The following ASPHD1 variants were observed in gnomAD, a reference collection of about 807,000 sequenced individuals.
ASPHD1 encodes the protein aspartate beta-hydroxylase domain-containing protein 1.
In ASPHD1, 20 loss-of-function variants were observed where a neutral mutation model predicts 28.3. That is an observed-to-expected ratio of 0.71 (90% CI 0.50 to 1.03). The LOEUF (loss-of-function observed/expected upper bound fraction) is 1.03, where lower values mean the gene tolerates loss of function less well. Ranked by LOEUF, ASPHD1 falls within the 50% of genes least tolerant of loss-of-function variation. The probability of loss-of-function intolerance (pLI) is 0.00; values close to 1 mark genes in which losing one functional copy is unlikely to be tolerated. For missense variants in ASPHD1, 479 were observed against 524.1 expected (o/e 0.91, Z 0.84); for synonymous variants, 240 against 221.2 (o/e 1.08, Z -0.75).
intron 3 of ASPHD1, chr16:29,911,978 G>C: frequency 6.2e-7 from 1 of 1,611,684 alleles, no homozygotes; most frequent in Non-Finnish European, 8.5e-7. Context: ...TGCTGGCCAG[G>C]AGCTGCTGCT....
Position 29,900,552 on chromosome 16 carries a change from A to C in ASPHD1, c.-420A>C. 3.9e-4 allele frequency: 71 copies of C among 181,434 alleles called. No homozygotes were observed. Among genetic ancestry groups the C allele is most frequent in the Non-Finnish European group, 5.4e-4 (46 of 84,990 alleles). 11.2% of individuals were successfully genotyped at this position (181,434 alleles called of 1,614,324 possible). On this transcript the variant is annotated 5_prime_UTR_variant, in exon 1 of 3. Coordinates refer to ENST00000308748, the MANE Select transcript of ASPHD1 (RefSeq NM_181718.4). Reference sequence around the variant, plus strand: ...TGGCTGAGCTGAGAGGGCTCCGGGAAGGAGTGACGTCAGGGTGAGTGGGAG... The same window carrying C: ...TGGCTGAGCTGAGAGGGCTCCGGGACGGAGTGACGTCAGGGTGAGTGGGAG...
intron 1 of ASPHD1, among the ~76,000 whole-genome samples, chr16:29,903,460 G>A (rs1006817664): frequency 9.9e-5 from 15 of 151,788 alleles, no homozygotes; most frequent in Admixed American, 8.5e-4. Context: ...TTACAGGCGT[G>A]AGCCACCGCA....
rs1377622947 is a variant in ASPHD1 at position 29,901,545 on chromosome 16, C to T, written c.574C>T (p.Leu192=). The change falls in exon 1 of 3, where the codon CTA becomes TTA. Residue 192 remains leucine (L), a synonymous_variant. Coordinates refer to ENST00000308748, the MANE Select transcript of ASPHD1 (RefSeq NM_181718.4). The surrounding 1 kb of genome is among the most constrained non-coding windows in gnomAD (Gnocchi z 5.1). ...TATTCAGCGCCCAGGCCTGCTTTTC[C>T]TACCAGACCTGCCTTCAGCCCCCTT... The part of the protein sequence containing the change: ...LGIQRPGLLF[L]PDLPSAPFVP... 6.4e-7 allele frequency: 1 copy of T among 1,561,600 alleles called. No individual in the cohort carries two copies. The highest frequency in any genetic ancestry group is 8.6e-7 in the Non-Finnish European group (1 of 1,159,848).
Position 29,901,167 on chromosome 16 carries a change from C to T in ASPHD1, c.196C>T (p.Leu66=). The T allele has an allele frequency of 6.2e-7, 1 of 1,612,566 alleles. No individual in the cohort carries two copies. The highest frequency in any genetic ancestry group is 8.5e-7 in the Non-Finnish European group (1 of 1,179,268). ...DAPGLLARAS[L]IMLPWPLPLA... ...CCCAGGCCTCTTGGCCAGGGCCTCC[C>T]TGATCATGCTCCCGTGGCCACTACC... is the stretch of plus-strand genomic sequence containing the variant. The change falls in exon 1 of 3, where the codon CTG becomes TTG. Residue 66 remains leucine (L), a synonymous_variant. Coordinates refer to ENST00000308748, the MANE Select transcript of ASPHD1 (RefSeq NM_181718.4). This position sits in a 1 kb window ranked among gnomAD's most constrained non-coding sequence, Gnocchi z 5.1.
chr16:29,911,593 T>C (rs948655744), intron 3 of ASPHD1: 4 of 598,456 alleles, frequency 6.7e-6, no homozygotes, highest in Non-Finnish European at 1.2e-5. Context: ...CTCGCCACTA[T>C]CACTTTGTCC....
chr16:29,907,310 G>T (rs1453564756), downstream of ASPHD1, among the ~76,000 whole-genome samples: 1 of 152,190 alleles, frequency 6.6e-6, no homozygotes, highest in Admixed American at 6.5e-5. Flanking sequence ...AGAATTATTT[G>T]TTTTCTCTCC....
chr16:29,904,851 G>A lies in ASPHD1; in HGVS notation c.950-1G>A. The A allele has an allele frequency of 6.2e-7, 1 of 1,609,428 alleles. No homozygotes were observed. The highest frequency in any genetic ancestry group is 1.1e-5 in the South Asian group (1 of 90,606). ...CTGGATGCCCGCGTCTCTTCTTACAGGCCTAAAGATCCCTCCTGGCTGTGA... is the reference window on the plus strand; with the variant it reads ...CTGGATGCCCGCGTCTCTTCTTACAAGCCTAAAGATCCCTCCTGGCTGTGA... On this transcript the variant is annotated splice_acceptor_variant, in intron 1 of 2. Coordinates refer to ENST00000308748, the MANE Select transcript of ASPHD1 (RefSeq NM_181718.4). LOFTEE classifies it high-confidence loss of function.
downstream of ASPHD1, chr16:29,907,084 A>G (rs748863085): frequency 3.1e-6 from 5 of 1,610,542 alleles, no homozygotes; most frequent in South Asian, 5.5e-5. Context: ...GTCTCCTCGA[A>G]GATCCGGGCC....
chr16:29,900,769 G>A lies in ASPHD1; in HGVS notation c.-203G>A. The A allele has an allele frequency of 1.6e-6, 1 of 609,202 alleles. No individual in the cohort carries two copies. The allele number at this position is 609,202 out of a possible 1,614,324, so 37.7% of individuals were successfully genotyped here. ...AGGAACCGCTGCCCAGGGGAGCTAGGAGGAAGCGGGGAGAGAGAGCGAGCG... is the reference window on the plus strand; with the variant it reads ...AGGAACCGCTGCCCAGGGGAGCTAGAAGGAAGCGGGGAGAGAGAGCGAGCG... On this transcript the variant is annotated 5_prime_UTR_variant, in exon 1 of 3. Transcript: ENST00000308748.
At chr16:29,906,537 A>G, downstream of ASPHD1, 1 of 488,700 alleles carries the variant, frequency 2.0e-6, no homozygotes, top group Non-Finnish European at 4.0e-6. Flanking sequence ...GATGTCAGGA[A>G]GGGCCGCACA....
At chr16:29,906,635 G>A (rs553690256), downstream of ASPHD1, 46 of 668,034 alleles carry the variant, frequency 6.9e-5, 2 homozygotes, top group South Asian at 6.6e-4. Context: ...CAGGGCCAGG[G>A]TGGGGACAAG....
chr16:29,911,891 G>A (rs767170734), intron 3 of ASPHD1: 15 of 1,611,462 alleles, frequency 9.3e-6, no homozygotes, highest in South Asian at 3.3e-5. Context: ...GAGGATGGAC[G>A]AGAGGGGTGA....
chr16:29,901,934 G>A lies in ASPHD1; in HGVS notation c.949+14G>A. Reference sequence around the variant, plus strand: ...GATGCCATCTGGGTAAGTAGCTGCCGCCTACTGACAACCTCCTTGCCTCGA... The same window carrying A: ...GATGCCATCTGGGTAAGTAGCTGCCACCTACTGACAACCTCCTTGCCTCGA... On this transcript the variant is annotated intron_variant, in intron 1 of 2. Transcript: ENST00000308748. This position sits in a 1 kb window ranked among gnomAD's most constrained non-coding sequence, Gnocchi z 5.1. The A allele has an allele frequency of 2.1e-6, 3 of 1,459,778 alleles. No homozygotes were observed. Among genetic ancestry groups the A allele is most frequent in the South Asian group, 1.4e-5 (1 of 69,086 alleles). 90.4% of individuals were successfully genotyped at this position (1,459,778 alleles called of 1,614,324 possible).
chr16:29,904,612 CAAA>C (rs1243404965), intron 1 of ASPHD1, among the ~76,000 whole-genome samples: 5 of 66,512 alleles, frequency 7.5e-5, no homozygotes, highest in Non-Finnish European at 1.1e-4. Context: ...GACTTTGTCT[CAAA>C]AAAAAAAAAA....
At chr16:29,908,212 G>A (rs773281610), downstream of ASPHD1, among the ~76,000 whole-genome samples, 5 of 152,078 alleles carry the variant, frequency 3.3e-5, no homozygotes, top group Non-Finnish European at 4.4e-5. Flanking sequence ...TGTGGGTCAG[G>A]AGTGCACCCA....
At chr16:29,906,765 G>A, downstream of ASPHD1, 1 of 904,124 alleles carries the variant, frequency 1.1e-6, no homozygotes, top group Non-Finnish European at 1.7e-6. Context: ...GGACAGAGGA[G>A]GACCCACGAC....
Position 29,905,673 on chromosome 16 carries a change from G to GTAA in ASPHD1, c.1064-114_1064-113insAAT, listed in dbSNP as rs1567436991. 9.0e-5 allele frequency: 52 copies of GTAA among 576,106 alleles called. No individual in the cohort carries two copies. The East Asian group carries it at 1.6e-3, about 17-fold the overall frequency. 35.7% of individuals were successfully genotyped at this position (576,106 alleles called of 1,614,324 possible). A position where few individuals can be genotyped will look rare whatever the true frequency, so the allele number is the denominator to read the frequency against. On this transcript the variant is annotated intron_variant, in intron 2 of 2. Coordinates refer to ENST00000308748, the MANE Select transcript of ASPHD1 (RefSeq NM_181718.4). ...AAAAAAGATTTGATACATTTAAAGG[G>GTAA]TTAGAACAAGGCCTGCCACTTATTT...
At chr16:29,912,405 A>G in intron 3 of ASPHD1, 1 of 376,118 alleles carries the variant, frequency 2.7e-6, no homozygotes. Flanking sequence ...CCCTGGCTAA[A>G]ACAGCCTCCT....
downstream of ASPHD1, chr16:29,906,901 G>A: frequency 6.2e-7 from 1 of 1,614,148 alleles, no homozygotes; most frequent in Non-Finnish European, 8.5e-7. Flanking sequence ...TGTTGGCCAT[G>A]AGGACGCTCG....
Sources: gnomAD v4.1 joint callset for allele counts (sites outside exome capture counted in the v4.1 genomes callset) on GRCh38, gnomAD v4.1.1 for gene constraint, Gnocchi (gnomAD v3.1) non-coding constraint, MANE v1.5 for transcripts, NCBI Gene and HGNC (gene_info 2026-07-23, HGNC 2026-07-21) for gene names.